RICTOR: variants seen among roughly 807,000 people sequenced by gnomAD.
The protein encoded by RICTOR is RPTOR independent companion of MTOR complex 2, also known as rapamycin-insensitive companion of mTOR.
RICTOR carries 49 observed loss-of-function variants against 214.9 expected under a neutral mutation model. The ratio of observed to expected loss-of-function variants is 0.23; its 90% CI spans 0.18 to 0.29. The LOEUF is 0.29. Among genes scored for constraint, RICTOR ranks in the 10% least tolerant of loss-of-function variants. RICTOR has a pLI of 1.00. For synonymous variants in RICTOR, 717 were observed against 711.3 expected, an observed-to-expected ratio of 1.01 and a Z score of -0.13; for missense variants, 1,625 against 2,047.0, an observed-to-expected ratio of 0.79 and a Z score of 3.98.
Position 39,003,562 on chromosome 5 carries a change from T to C in RICTOR, c.256A>G (p.Ile86Val). The C allele has an allele frequency of 6.2e-7, 1 of 1,601,326 alleles. No individual in the cohort carries two copies. The highest frequency in any genetic ancestry group is 8.5e-7 in the Non-Finnish European group (1 of 1,170,106). Residue 86 changes from isoleucine (I) to valine (V), a missense_variant, in exon 4 of 38, where the codon ATT becomes GTT. Transcript: ENST00000357387. Reference sequence around the variant, plus strand: ...GGGGGAATGAACCACACTTACCAAATTATGATATCCTCATAGTGAAAGCCC... The same window carrying C: ...GGGGGAATGAACCACACTTACCAAACTATGATATCCTCATAGTGAAAGCCC... Reference protein sequence around the residue: ...KLGFHYEDIIICLRLALLNEA... With the variant: ...KLGFHYEDIIVCLRLALLNEA...
In RICTOR at chr5:38,950,048, C is replaced by T. The variant is rs2112850501; in HGVS notation, c.3800G>A (p.Ser1267Asn). The T allele has an allele frequency of 1.9e-6, 3 of 1,613,168 alleles. No individual in the cohort carries two copies. The highest frequency in any genetic ancestry group is 8.5e-7 in the Non-Finnish European group (1 of 1,179,516). Residue 1267 changes from serine (S) to asparagine (N), a missense_variant, in exon 31 of 38, where the codon AGC becomes AAC. Ser to Asn is a conservative substitution (Grantham distance 46). Around this residue, in one of 5 missense-constraint regions of RICTOR, gnomAD observed 1,214 missense variants for 1,470.5 expected, o/e 0.83. Coordinates refer to ENST00000357387, the MANE Select transcript of RICTOR (RefSeq NM_152756.5). Reference sequence around the variant, plus strand: ...GTTAGACTGTGGCGTCAAATAGTGGCTTGTCTTAATAGTTTTAGTACTTAC... The same window carrying T: ...GTTAGACTGTGGCGTCAAATAGTGGTTTGTCTTAATAGTTTTAGTACTTAC... ...TVVSTKTIKT[S>N]HYLTPQSNHL... is the part of the protein sequence containing the mutation.
intron 2 of RICTOR, among the ~76,000 whole-genome samples, chr5:39,051,036 T>C (rs943326374): frequency 4.3e-4 from 49 of 113,048 alleles, no homozygotes; most frequent in Non-Finnish European, 8.1e-5. Flanking sequence ...TCCCCATACA[T>C]ATATATACAC....
Position 38,950,733 on chromosome 5 carries a change from G to A in RICTOR, c.3128-13C>T, listed in dbSNP as rs765652469. 2.6e-6 allele frequency: 4 copies of A among 1,536,104 alleles called. No individual in the cohort carries two copies. In the South Asian group the frequency reaches 3.8e-5, roughly 14 times the overall value. ...AATATGAACATACCTATGATTGAAGGATCAATTAATAAAAACACATATAAA... is the reference window on the plus strand; with the variant it reads ...AATATGAACATACCTATGATTGAAGAATCAATTAATAAAAACACATATAAA... On this transcript the variant is annotated splice_polypyrimidine_tract_variant and intron_variant, in intron 30 of 37. Coordinates refer to ENST00000357387, the MANE Select transcript of RICTOR (RefSeq NM_152756.5).
intron 6 of RICTOR, among the ~76,000 whole-genome samples, chr5:38,992,903 G>A (rs1752890554): frequency 6.6e-6 from 1 of 152,108 alleles, no homozygotes; most frequent in African/African-American, 2.4e-5. Flanking sequence ...ATAAATTTGT[G>A]GAACTGACAC....
At chr5:39,041,758 C>A (rs1176881850) in intron 2 of RICTOR, among the ~76,000 whole-genome samples, 5 of 151,808 alleles carry the variant, frequency 3.3e-5, no homozygotes, top group African/African-American at 1.2e-4. Context: ...TAACAACTAA[C>A]CTTACAATGT....
intron 15 of RICTOR, among the ~76,000 whole-genome samples, chr5:38,965,849 A>G (rs1196147481): frequency 2.0e-5 from 3 of 152,168 alleles, no homozygotes; most frequent in Non-Finnish European, 4.4e-5. Context: ...AACAAAAAAC[A>G]TCTGCTAAAA....
Position 38,945,396 on chromosome 5 carries a change from C to G in RICTOR, c.4633+95G>C, listed in dbSNP as rs1465761004. ...GTGCTGCAGCTCACCAGCTGGGAAA[C>G]TCTGAATTAGAATACCAAAAAGAAA... On this transcript the variant is annotated intron_variant, in intron 34 of 37. Coordinates refer to ENST00000357387, the MANE Select transcript of RICTOR (RefSeq NM_152756.5). The G allele has an allele frequency of 4.9e-6, 4 of 809,840 alleles. No homozygotes were observed. In the African/African-American group the frequency reaches 6.9e-5, roughly 14 times the overall value. The allele number at this position is 809,840 out of a possible 1,614,324, so 50.2% of individuals were successfully genotyped here. A position where few individuals can be genotyped will look rare whatever the true frequency, so the allele number is the denominator to read the frequency against.
chr5:38,978,216 A>T (rs1276228042), intron 9 of RICTOR, among the ~76,000 whole-genome samples: 2 of 152,158 alleles, frequency 1.3e-5, no homozygotes, highest in East Asian at 3.8e-4. Context: ...AGAATTCTAC[A>T]TATTACATCA....
Position 38,938,527 on chromosome 5 carries a change from CA to C in RICTOR, c.*3776del, listed in dbSNP as rs989950968. 4.3e-5 allele frequency: 10 copies of C among 232,474 alleles called. No homozygotes were observed. The highest frequency in any genetic ancestry group is 8.5e-5 in the Non-Finnish European group (10 of 117,502). 14.4% of individuals were successfully genotyped at this position (232,474 alleles called of 1,614,324 possible). A position where few individuals can be genotyped will look rare whatever the true frequency, so the allele number is the denominator to read the frequency against. ...TAAATATTCTATAAAGAAAGTAAAA[CA>C]AAATGTGCAATTTATGCATGCTGTG... On this transcript the variant is annotated 3_prime_UTR_variant, in exon 38 of 38. Transcript: ENST00000357387.
At chr5:39,051,042 TACAC>T (rs111723153) in intron 2 of RICTOR, among the ~76,000 whole-genome samples, 15 of 145,752 alleles carry the variant, frequency 1.0e-4, no homozygotes, top group South Asian at 2.2e-4. Context: ...TACATATATA[TACAC>T]ACACACACAC....
chr5:38,960,648 T>C (rs563076565), intron 19 of RICTOR, 115 bp from the exon 20 acceptor site: 2 of 1,009,796 alleles, frequency 2.0e-6, no homozygotes, highest in African/African-American at 3.3e-5. Context: ...TCTGAACCAT[T>C]GGGATAAATG....
chr5:38,942,110 A>ACT lies in RICTOR; in HGVS notation c.*193_*194insAG. On this transcript the variant is annotated 3_prime_UTR_variant, in exon 38 of 38. Transcript: ENST00000357387. ...AATCATGAACCCCTCAAAAGGCTCA[A>ACT]CAAAGGAGAGAAGGAAGTTGTTTTG... The ACT allele has an allele frequency of 2.4e-6, 1 of 409,882 alleles. No homozygotes were observed. The highest frequency in any genetic ancestry group is 4.5e-6 in the Non-Finnish European group (1 of 224,584). 25.4% of individuals were successfully genotyped at this position (409,882 alleles called of 1,614,324 possible). A position where few individuals can be genotyped will look rare whatever the true frequency, so the allele number is the denominator to read the frequency against.
chr5:38,973,129 T>C (rs563558097), intron 10 of RICTOR, among the ~76,000 whole-genome samples: 1 of 151,926 alleles, frequency 6.6e-6, no homozygotes, highest in Admixed American at 6.6e-5. Context: ...TAGGAAAGAG[T>C]ATAAGAGAAC....
chr5:39,041,636 G>A (rs191741156), intron 2 of RICTOR, among the ~76,000 whole-genome samples: 14 of 152,022 alleles, frequency 9.2e-5, no homozygotes, highest in Admixed American at 3.9e-4. Context: ...CTAGATTTCC[G>A]GATTGGGTAA....
chr5:38,969,616 C>T (rs1293463962), intron 11 of RICTOR: 1 of 151,812 alleles, frequency 6.6e-6, no homozygotes, highest in Non-Finnish European at 1.5e-5. Flanking sequence ...TACTATTAGT[C>T]CCATAAGCTC....
intron 2 of RICTOR, among the ~76,000 whole-genome samples, chr5:39,055,425 C>A (rs1387613190): frequency 1.5e-5 from 2 of 129,048 alleles, no homozygotes; most frequent in Non-Finnish European, 3.3e-5. Context: ...ATTCCCCCCC[C>A]CCACTCTTTT....
intron 6 of RICTOR, among the ~76,000 whole-genome samples, chr5:38,993,859 T>C (rs1386475990): frequency 1.3e-5 from 2 of 152,086 alleles, no homozygotes; most frequent in Non-Finnish European, 2.9e-5. Flanking sequence ...ATACATAAAC[T>C]TTGTTTCATG....
At chr5:39,033,891 C>T (rs185951507) in intron 2 of RICTOR, among the ~76,000 whole-genome samples, 314 of 152,302 alleles carry the variant, frequency 2.1e-3, no homozygotes, top group African/African-American at 7.3e-3. Context: ...AAATTTTTCT[C>T]TCAAGGACTC....
At position 39,004,776 on chromosome 5, in the gene RICTOR, CTTT is replaced by C. The variant is rs70982534; in HGVS notation, c.196-1157_196-1155del. Among the ~76,000 whole-genome samples, 7 of 105,828 alleles carry C rather than the reference CTTT, an allele frequency of 6.6e-5. No homozygotes were observed. In the East Asian group the frequency reaches 1.2e-3, roughly 18 times the overall value. 69.4% of individuals were successfully genotyped at this position (105,828 alleles called of 152,430 possible). ...GCCACCGCACTGGGCCTCTCAGACTCTTTTTTTTTTTTTTTTTTTTTTGAGATG... is the reference window on the plus strand; with the variant it reads ...GCCACCGCACTGGGCCTCTCAGACTCTTTTTTTTTTTTTTTTTTTGAGATG... On this transcript the variant is annotated intron_variant, in intron 3 of 37. Transcript: ENST00000357387.
Sources: allele counts gnomAD v4.1 joint callset (sites outside exome capture counted in the v4.1 genomes callset), GRCh38; gene constraint gnomAD v4.1.1; regional missense constraint gnomAD v4.1.1; transcripts MANE v1.5; gene names NCBI Gene and HGNC (gene_info 2026-07-23, HGNC 2026-07-21).